The following TENM2 variants were observed in gnomAD, a reference collection of about 807,000 sequenced individuals.
TENM2 encodes the protein teneurin transmembrane protein 2.
In TENM2, 52 loss-of-function variants were observed where a neutral mutation model predicts 245.2. That is an observed-to-expected ratio of 0.21 (90% CI 0.17 to 0.27). The LOEUF (loss-of-function observed/expected upper bound fraction) is 0.27. Ranked by LOEUF, TENM2 falls within the 10% of genes least tolerant of loss-of-function variation. The pLI is 1.00. For synonymous variants in TENM2, 1,363 were observed against 1,438.9 expected, an observed-to-expected ratio of 0.95 and a Z score of 1.19; for missense variants, 3,046 against 3,666.8, an observed-to-expected ratio of 0.83 and a Z score of 4.37.
chr5:167,051,353 G>A, the TENM2 span, among the ~76,000 whole-genome samples: 1 of 151,924 alleles, frequency 6.6e-6, no homozygotes, highest in Non-Finnish European at 1.5e-5. Context: ...TAAGAGAACA[G>A]CCAACACAAA....
At chr5:167,829,621 A>G (rs1472505752) in intron 2 of TENM2, among the ~76,000 whole-genome samples, 2 of 152,246 alleles carry the variant, frequency 1.3e-5, no homozygotes, top group Non-Finnish European at 2.9e-5. Flanking sequence ...TGTGGCAGAT[A>G]TCTGACATAT....
intron 3 of TENM2, among the ~76,000 whole-genome samples, chr5:167,926,718 CCACACACACACACACACACACACACA>C (rs750351497): frequency 7.3e-6 from 1 of 136,718 alleles, no homozygotes; most frequent in Non-Finnish European, 1.6e-5. Context: ...TGAGATTCCA[CCACACACACACACACACACACACACA>C]CACACACACA....
intron 2 of TENM2, among the ~76,000 whole-genome samples, chr5:167,730,896 T>C (rs181122406): frequency 6.6e-6 from 1 of 152,300 alleles, no homozygotes; most frequent in East Asian, 1.9e-4. Context: ...CGTACCAATA[T>C]ACTTAGGTTC....
At chr5:167,463,082 T>C (rs1435817199) in intron 2 of TENM2, among the ~76,000 whole-genome samples, 2 of 152,158 alleles carry the variant, frequency 1.3e-5, no homozygotes, top group Non-Finnish European at 2.9e-5. Flanking sequence ...GAAATGTAAG[T>C]AGAGATAAAA....
chr5:167,785,652 T>A (rs374287977), intron 2 of TENM2, among the ~76,000 whole-genome samples: 1 of 152,198 alleles, frequency 6.6e-6, no homozygotes, highest in African/African-American at 2.4e-5. Flanking sequence ...GGCAGGTGTG[T>A]TAGCCTGTAG....
chr5:167,334,701 A>G (rs1040105985), intron 1 of TENM2, among the ~76,000 whole-genome samples: 4 of 152,156 alleles, frequency 2.6e-5, no homozygotes, highest in Non-Finnish European at 5.9e-5. Flanking sequence ...GCTAGTCATG[A>G]ACTCCGTTAC....
At chr5:167,644,381 A>T (rs559669062) in intron 2 of TENM2, among the ~76,000 whole-genome samples, 1 of 152,076 alleles carries the variant, frequency 6.6e-6, no homozygotes, top group Non-Finnish European at 1.5e-5. Context: ...AGTGTAGCAA[A>T]TGTTTCTTTC....
intron 2 of TENM2, among the ~76,000 whole-genome samples, chr5:167,735,450 G>C (rs977973486): frequency 6.6e-6 from 1 of 152,190 alleles, no homozygotes; most frequent in Non-Finnish European, 1.5e-5. Context: ...AACAAAACCT[G>C]TTACAACTAG....
chr5:167,733,639 G>C (rs1019241985), intron 2 of TENM2, among the ~76,000 whole-genome samples: 4 of 152,176 alleles, frequency 2.6e-5, no homozygotes, highest in African/African-American at 4.8e-5. Context: ...ATAAGCTGAT[G>C]ATCTGATTTA....
At chr5:167,103,257 T>A in the TENM2 span, among the ~76,000 whole-genome samples, 152 of 152,316 alleles carry the variant, frequency 1.0e-3, 1 homozygote, top group African/African-American at 2.8e-3. Flanking sequence ...TATTGTTTCA[T>A]CTGAGAACCA....
At chr5:167,426,637 G>A (rs1166659736) in intron 2 of TENM2, among the ~76,000 whole-genome samples, 1 of 151,366 alleles carries the variant, frequency 6.6e-6, no homozygotes, top group African/African-American at 2.4e-5. Flanking sequence ...GTGTGATTGC[G>A]ATCCATTTTG....
chr5:167,688,243 A>G (rs1221816524), intron 2 of TENM2, among the ~76,000 whole-genome samples: 2 of 152,140 alleles, frequency 1.3e-5, no homozygotes, highest in African/African-American at 4.8e-5. Context: ...TGAAACAGCA[A>G]TGGCGTGGCG....
At chr5:167,784,429 T>C (rs1271399734) in intron 2 of TENM2, among the ~76,000 whole-genome samples, 2 of 152,228 alleles carry the variant, frequency 1.3e-5, no homozygotes, top group Non-Finnish European at 2.9e-5. Context: ...ATTAAATTAT[T>C]TAAAGCAGGA....
intron 4 of TENM2, among the ~76,000 whole-genome samples, chr5:167,960,088 A>C (rs1221430590): frequency 3.9e-5 from 6 of 152,142 alleles, no homozygotes; most frequent in African/African-American, 1.4e-4. Flanking sequence ...AGGGCTACCC[A>C]CCAGATGCCA....
At chr5:167,540,880 T>C (rs895236119) in intron 2 of TENM2, among the ~76,000 whole-genome samples, 6 of 152,184 alleles carry the variant, frequency 3.9e-5, no homozygotes, top group African/African-American at 1.4e-4. Flanking sequence ...TTCTGACTTA[T>C]AGTAGATAAA....
At chr5:167,231,244 G>A in the TENM2 span, among the ~76,000 whole-genome samples, 3 of 152,186 alleles carry the variant, frequency 2.0e-5, no homozygotes, top group Non-Finnish European at 4.4e-5. Flanking sequence ...ATGTGGAAGC[G>A]ACTTTGGAAC....
the TENM2 span, among the ~76,000 whole-genome samples, chr5:167,278,087 T>C: frequency 6.6e-6 from 1 of 151,520 alleles, no homozygotes; most frequent in Non-Finnish European, 1.5e-5. Context: ...GTAGATCTCT[T>C]GGGCCCAGGA....
the TENM2 span, among the ~76,000 whole-genome samples, chr5:167,159,552 G>A: frequency 6.6e-6 from 1 of 152,022 alleles, no homozygotes; most frequent in Non-Finnish European, 1.5e-5. Context: ...CAATGTATAT[G>A]TACTTCAAAG....
chr5:167,499,846 A>G (rs375662127), intron 2 of TENM2, among the ~76,000 whole-genome samples: 103 of 125,442 alleles, frequency 8.2e-4, no homozygotes, highest in East Asian at 1.3e-3. Flanking sequence ...GTGAGGGTGT[A>G]TGTGTGTGTG....
Sources: allele counts gnomAD v4.1 joint callset (sites outside exome capture counted in the v4.1 genomes callset), GRCh38; gene constraint gnomAD v4.1.1; transcripts MANE v1.5; gene names NCBI Gene and HGNC (gene_info 2026-07-23, HGNC 2026-07-21).